The following DNAL1 variants were observed in gnomAD, a reference collection of about 807,000 sequenced individuals.
The protein encoded by DNAL1 is dynein axonemal light chain 1.
In DNAL1, 17 loss-of-function variants were observed where a neutral mutation model predicts 29.4. The observed-to-expected ratio is 0.58, with a 90% CI of 0.40 to 0.87. The LOEUF is 0.87. DNAL1 is among the 40% of genes least tolerant of loss of function. The pLI is 0.00. For missense variants in DNAL1, 188 were observed against 214.1 expected (o/e 0.88, Z 0.76); for synonymous variants, 78 against 76.3 (o/e 1.02, Z -0.12).
chr14:73,662,810 T>A (rs1891386432), intron 4 of DNAL1, among the ~76,000 whole-genome samples: 1 of 75,528 alleles, frequency 1.3e-5, no homozygotes, highest in Non-Finnish European at 3.3e-5. Context: ...CAAAGTACTT[T>A]TTTTTTTTTT....
In DNAL1 at chr14:73,698,676, TC is replaced by T. The variant is rs1267683589; in HGVS notation, c.*2735del. On this transcript the variant is annotated 3_prime_UTR_variant, in exon 8 of 8. Coordinates refer to ENST00000553645, the MANE Select transcript of DNAL1 (RefSeq NM_031427.4). ...CCAGGCTTGTCTTGAACTCCTAACT[TC>T]AGATGACCTGCCCACATCGGCCTCC... The T allele has an allele frequency of 1.3e-5, 2 of 152,132 alleles. No individual in the cohort carries two copies. Among genetic ancestry groups the T allele is most frequent in the African/African-American group, 4.8e-5 (2 of 41,420 alleles). 9.4% of individuals were successfully genotyped at this position (152,132 alleles called of 1,614,324 possible).
chr14:73,695,544 T>C (rs779286795), intron 7 of DNAL1, among the ~76,000 whole-genome samples: 1 of 152,160 alleles, frequency 6.6e-6, no homozygotes, highest in Non-Finnish European at 1.5e-5. Flanking sequence ...TTTTCTTTTT[T>C]CTGAGATGGA....
chr14:73,654,803 T>C lies in DNAL1; in HGVS notation c.4-44T>C, dbSNP rs769148315. On this transcript the variant is annotated intron_variant, in intron 1 of 7. Transcript: ENST00000553645. ...ATACATACATACATTCATACATACA[T>C]ACAACTTTGTTTTTTCTTTTCTTTC... 69 of 1,486,670 alleles carry C rather than the reference T, an allele frequency of 4.6e-5. No homozygotes were observed. In the East Asian group the frequency reaches 7.2e-4, roughly 15 times the overall value. 92.1% of individuals were successfully genotyped at this position (1,486,670 alleles called of 1,614,324 possible).
At chr14:73,663,202 A>AT (rs58367000) in intron 4 of DNAL1, among the ~76,000 whole-genome samples, 23,491 of 125,152 alleles carry the variant, frequency 0.19, 3,188 homozygotes, top group African/African-American at 0.29. Context: ...GGTCCCAGTA[A>AT]TTTTTTTTTT....
rs1375337057 is a variant in DNAL1, at chr14:73,703,425, C to G, written c.*7483C>G. On this transcript the variant is annotated 3_prime_UTR_variant, in exon 8 of 8. Coordinates refer to ENST00000553645, the MANE Select transcript of DNAL1 (RefSeq NM_031427.4). ...AGATGGCCTGAAGTAACTGAAGATCCACAAAAGAAGTAAAAATAGCCTTAA... is the reference window on the plus strand; with the variant it reads ...AGATGGCCTGAAGTAACTGAAGATCGACAAAAGAAGTAAAAATAGCCTTAA... 1 of 152,176 alleles carries G rather than the reference C, an allele frequency of 6.6e-6. No homozygotes were observed. The allele number at this position is 152,176 out of a possible 1,614,324, so 9.4% of individuals were successfully genotyped here.
At chr14:73,690,195 C>T (rs1892137099) in intron 7 of DNAL1, among the ~76,000 whole-genome samples, 1 of 151,770 alleles carries the variant, frequency 6.6e-6, no homozygotes. Flanking sequence ...GTGAGAAAAA[C>T]CCTGTATTTA....
intron 5 of DNAL1, among the ~76,000 whole-genome samples, chr14:73,681,784 G>A (rs1185216727): frequency 6.7e-6 from 1 of 150,214 alleles, no homozygotes; most frequent in Non-Finnish European, 1.5e-5. Flanking sequence ...AACAGAGCAA[G>A]ACGCTGCCTC....
intron 7 of DNAL1, among the ~76,000 whole-genome samples, chr14:73,690,389 A>T (rs890603562): frequency 6.6e-6 from 1 of 152,090 alleles, no homozygotes; most frequent in Admixed American, 6.6e-5. Flanking sequence ...GCGGTGGCTC[A>T]TGCCTGTAAT....
At chr14:73,655,040 G>A (rs1209543808) in intron 2 of DNAL1, among the ~76,000 whole-genome samples, 155 bp downstream of exon 2, 1 of 151,928 alleles carries the variant, frequency 6.6e-6, no homozygotes, top group Non-Finnish European at 1.5e-5. Context: ...TTACACATAT[G>A]ATAAAATTGT....
At position 73,662,035 on chromosome 14, in the gene DNAL1, TG is replaced by T. The variant is rs1447819945; in HGVS notation, c.203del (p.Gly68AlafsTer2). On this transcript the variant is annotated frameshift_variant, in exon 4 of 8. Coordinates refer to ENST00000553645, the MANE Select transcript of DNAL1 (RefSeq NM_031427.4). LOFTEE classifies it high-confidence loss of function. ...GCATTGAAAAAATTGCCAACCTGAATGGCTTAAGTAAGTGATTCACAGTAAC... is the reference window on the plus strand; with the variant it reads ...GCATTGAAAAAATTGCCAACCTGAATGCTTAAGTAAGTGATTCACAGTAAC... ...NCIEKIANLN[G>X]LKNLRILSLG... is the part of the protein sequence containing the mutation. 1.3e-6 allele frequency: 2 copies of T among 1,561,958 alleles called. No individual in the cohort carries two copies.
intron 1 of DNAL1, among the ~76,000 whole-genome samples, chr14:73,649,507 C>T (rs1440323166): frequency 1.3e-5 from 2 of 151,428 alleles, no homozygotes; most frequent in East Asian, 1.9e-4. Context: ...TGGTCTCGAT[C>T]TCCTGACCTC....
chr14:73,682,028 C>T (rs1891900005), intron 5 of DNAL1, among the ~76,000 whole-genome samples: 1 of 151,668 alleles, frequency 6.6e-6, no homozygotes, highest in Non-Finnish European at 1.5e-5. Flanking sequence ...AGGAGAATCA[C>T]TTGAACCTGG....
intron 4 of DNAL1, among the ~76,000 whole-genome samples, chr14:73,667,057 A>G (rs1408114841): frequency 1.3e-5 from 2 of 151,402 alleles, no homozygotes; most frequent in African/African-American, 4.9e-5. Flanking sequence ...CTCTAGCCCA[A>G]CTGTGTCCTC....
chr14:73,686,940 A>G (rs566614141), intron 5 of DNAL1, among the ~76,000 whole-genome samples: 1 of 152,256 alleles, frequency 6.6e-6, no homozygotes, highest in East Asian at 1.9e-4. Context: ...ACCATTAATG[A>G]ACGAGATAAG....
At chr14:73,645,973 A>G (rs1177093619) in intron 1 of DNAL1, among the ~76,000 whole-genome samples, 1 of 152,230 alleles carries the variant, frequency 6.6e-6, no homozygotes, top group Non-Finnish European at 1.5e-5. Context: ...TTGTGATTCC[A>G]GTGCTATATA....
chr14:73,699,869 A>C lies in DNAL1; in HGVS notation c.*3927A>C, dbSNP rs1368438553. ...AGCGTCATTCATTGTCTAATCACATAATTTTGCAGACCATGGCAGTCATTA... is the reference window on the plus strand; with the variant it reads ...AGCGTCATTCATTGTCTAATCACATCATTTTGCAGACCATGGCAGTCATTA... On this transcript the variant is annotated 3_prime_UTR_variant, in exon 8 of 8. Coordinates refer to ENST00000553645, the MANE Select transcript of DNAL1 (RefSeq NM_031427.4). The C allele has an allele frequency of 6.6e-6, 1 of 152,220 alleles. No individual in the cohort carries two copies. Among genetic ancestry groups the C allele is most frequent in the African/African-American group, 2.4e-5 (1 of 41,458 alleles). 9.4% of individuals were successfully genotyped at this position (152,220 alleles called of 1,614,324 possible).
At chr14:73,692,444 T>C (rs1339981011) in intron 7 of DNAL1, among the ~76,000 whole-genome samples, 1 of 151,528 alleles carries the variant, frequency 6.6e-6, no homozygotes, top group Admixed American at 6.6e-5. Flanking sequence ...ATTGTGCCAC[T>C]GCACAGGCAG....
intron 4 of DNAL1, among the ~76,000 whole-genome samples, chr14:73,671,114 TA>T (rs1172913161): frequency 6.6e-6 from 1 of 152,178 alleles, no homozygotes; most frequent in African/African-American, 2.4e-5. Context: ...ATACCAAATT[TA>T]TTTTTTTTCA....
At position 73,695,984 on chromosome 14, in the gene DNAL1, A is replaced by G. The variant is rs1442353478; in HGVS notation, c.*42A>G. ...GTGTGTTAACTTATTTAAATGTCAT[A>G]AGAACAATAGATAAATTTTATATAA... On this transcript the variant is annotated 3_prime_UTR_variant, in exon 8 of 8. Coordinates refer to ENST00000553645, the MANE Select transcript of DNAL1 (RefSeq NM_031427.4). 2 of 1,518,134 alleles carry G rather than the reference A, an allele frequency of 1.3e-6. No homozygotes were observed. Among genetic ancestry groups the G allele is most frequent in the South Asian group, 1.2e-5 (1 of 81,428 alleles). 94.0% of individuals were successfully genotyped at this position (1,518,134 alleles called of 1,614,324 possible).
Sources: gnomAD v4.1 joint callset for allele counts (sites outside exome capture counted in the v4.1 genomes callset) on GRCh38, gnomAD v4.1.1 for gene constraint, MANE v1.5 for transcripts, NCBI Gene and HGNC (gene_info 2026-07-23, HGNC 2026-07-21) for gene names.